The following SCHIP1 variants were observed in gnomAD, a reference collection of about 807,000 sequenced individuals.
The protein encoded by SCHIP1 is schwannomin-interacting protein 1.
Under a neutral mutation model 29.7 loss-of-function variants are expected in SCHIP1, and 8 were observed. The ratio of observed to expected loss-of-function variants is 0.27; its 90% CI spans 0.16 to 0.49. The LOEUF (loss-of-function observed/expected upper bound fraction) is 0.49. Among genes scored for constraint, SCHIP1 ranks in the 20% least tolerant of loss-of-function variants. The probability of loss-of-function intolerance (pLI) is 0.99; values close to 1 mark genes in which losing one functional copy is unlikely to be tolerated. For synonymous variants in SCHIP1, 76 were observed against 94.9 expected (o/e 0.80, Z 1.16); for missense variants, 193 against 294.6 (o/e 0.66, Z 2.52).
chr3:159,475,755 C>G, the SCHIP1 span, among the ~76,000 whole-genome samples: 3 of 152,026 alleles, frequency 2.0e-5, no homozygotes, highest in African/African-American at 7.2e-5. Context: ...CTCTTTTAGG[C>G]AACTTCAAAA....
chr3:159,406,558 C>A, the SCHIP1 span, among the ~76,000 whole-genome samples: 6 of 151,998 alleles, frequency 3.9e-5, no homozygotes, highest in African/African-American at 1.2e-4. Context: ...TAAAATGCAC[C>A]GGCAATAGTA....
chr3:159,545,726 TTATA>T, the SCHIP1 span, among the ~76,000 whole-genome samples: 4 of 147,784 alleles, frequency 2.7e-5, no homozygotes, highest in Admixed American at 6.8e-5. Flanking sequence ...ATATTATATA[TTATA>T]TATATATGTA....
the SCHIP1 span, among the ~76,000 whole-genome samples, chr3:159,347,427 T>A: frequency 1.3e-5 from 2 of 152,284 alleles, no homozygotes; most frequent in African/African-American, 4.8e-5. Flanking sequence ...TGTGAGTTAA[T>A]TTGTCCAATT....
the SCHIP1 span, among the ~76,000 whole-genome samples, chr3:159,344,923 T>C: frequency 6.6e-6 from 1 of 152,192 alleles, no homozygotes; most frequent in African/African-American, 2.4e-5. Flanking sequence ...TTTCTGTAAA[T>C]ATAGAACTAT....
At chr3:159,880,240 T>C (rs1716298942) in intron 2 of SCHIP1, among the ~76,000 whole-genome samples, 1 of 152,216 alleles carries the variant, frequency 6.6e-6, no homozygotes, top group Non-Finnish European at 1.5e-5. Context: ...ACATAACTAC[T>C]GGAGGGTCAG....
the SCHIP1 span, among the ~76,000 whole-genome samples, chr3:159,680,285 C>T: frequency 2.0e-5 from 3 of 151,166 alleles, no homozygotes; most frequent in Admixed American, 6.6e-5. Context: ...CTGAGGTGGG[C>T]GGATCACGAG....
chr3:159,824,995 C>T, the SCHIP1 span, among the ~76,000 whole-genome samples: 1 of 152,092 alleles, frequency 6.6e-6, no homozygotes, highest in Non-Finnish European at 1.5e-5. Context: ...TCCTACTGGC[C>T]ATTTTGCCTT....
At chr3:159,843,822 CAAAAAAAA>C (rs1161141544) in intron 1 of SCHIP1, among the ~76,000 whole-genome samples, 2 of 39,992 alleles carry the variant, frequency 5.0e-5, no homozygotes, top group Admixed American at 2.5e-4. Flanking sequence ...GACTCTGTCT[CAAAAAAAA>C]AAAAAAAAAA....
intron 6 of SCHIP1, chr3:159,894,115 T>C (rs1324883692): frequency 1.3e-5 from 2 of 152,170 alleles, no homozygotes; most frequent in African/African-American, 2.4e-5. Context: ...GCTTATAAAA[T>C]AGTGATGCCT....
the SCHIP1 span, among the ~76,000 whole-genome samples, chr3:159,807,860 T>C: frequency 6.6e-6 from 1 of 152,182 alleles, no homozygotes; most frequent in Non-Finnish European, 1.5e-5. Context: ...AATAACCCTG[T>C]AAGGCAGGTA....
chr3:159,682,074 G>T, the SCHIP1 span, among the ~76,000 whole-genome samples: 4 of 152,208 alleles, frequency 2.6e-5, no homozygotes, highest in Non-Finnish European at 1.5e-5. Flanking sequence ...CAGGAGGGAT[G>T]ATAAGGGAGA....
chr3:159,329,744 A>G, the SCHIP1 span, among the ~76,000 whole-genome samples: 1 of 152,226 alleles, frequency 6.6e-6, no homozygotes. Context: ...TAACAATCGA[A>G]AACTGTATGT....
At chr3:159,493,507 G>A in the SCHIP1 span, among the ~76,000 whole-genome samples, 83 of 152,050 alleles carry the variant, frequency 5.5e-4, no homozygotes, top group African/African-American at 1.7e-3. Flanking sequence ...GACAAAGAAG[G>A]CCATTACATA....
chr3:159,746,134 T>C, the SCHIP1 span, among the ~76,000 whole-genome samples: 1 of 152,176 alleles, frequency 6.6e-6, no homozygotes. Context: ...TAATGAAAAA[T>C]TATTTTTAGA....
chr3:159,533,519 C>A, the SCHIP1 span, among the ~76,000 whole-genome samples: 1 of 151,956 alleles, frequency 6.6e-6, no homozygotes, highest in Non-Finnish European at 1.5e-5. Context: ...TTTTTCCATT[C>A]TAGGTATTAA....
chr3:159,604,500 G>C, the SCHIP1 span, among the ~76,000 whole-genome samples: 1 of 152,128 alleles, frequency 6.6e-6, no homozygotes, highest in Non-Finnish European at 1.5e-5. Flanking sequence ...GCTTCTCTGT[G>C]CCAGGCACTG....
At chr3:159,468,777 A>ATATAATATAATATATAATATATAAT in the SCHIP1 span, among the ~76,000 whole-genome samples, 1 of 127,350 alleles carries the variant, frequency 7.9e-6, no homozygotes, top group African/African-American at 3.0e-5. Flanking sequence ...ATATATATAT[A>ATATAATATAATATATAATATATAAT]TTTTTTTTAG....
chr3:159,828,478 CAT>C, the SCHIP1 span, among the ~76,000 whole-genome samples: 46 of 105,278 alleles, frequency 4.4e-4, 3 homozygotes, highest in Middle Eastern at 7.9e-3. Context: ...TATACACACA[CAT>C]ACACATACAT....
chr3:159,694,296 C>G, the SCHIP1 span, among the ~76,000 whole-genome samples: 189 of 152,068 alleles, frequency 1.2e-3, no homozygotes, highest in African/African-American at 4.5e-3. Flanking sequence ...AAGGCGGGCA[C>G]ATCACCTGAG....
Sources: gnomAD v4.1 joint callset for allele counts (sites outside exome capture counted in the v4.1 genomes callset) on GRCh38, gnomAD v4.1.1 for gene constraint, MANE v1.5 for transcripts, NCBI Gene and HGNC (gene_info 2026-07-23, HGNC 2026-07-21) for gene names.